The following CSMD1 variants were observed in gnomAD, a reference collection of about 807,000 sequenced individuals.
CSMD1 encodes the protein CUB and Sushi multiple domains 1, also known as CUB and sushi domain-containing protein 1.
CSMD1 carries 213 observed loss-of-function variants against 417.5 expected under a neutral mutation model. The ratio of observed to expected loss-of-function variants is 0.51; its 90% CI spans 0.46 to 0.57. The LOEUF is 0.57. Ranked by LOEUF, CSMD1 falls within the 20% of genes least tolerant of loss-of-function variation. The pLI, the probability that CSMD1 is intolerant of heterozygous loss-of-function variation, is 0.00. For synonymous variants in CSMD1, 2,862 were observed against 1,736.8 expected (o/e 1.65, Z -16.11); for missense variants, 6,923 against 4,529.7 (o/e 1.53, Z -15.17).
chr8:4,721,715 A>G (rs1809065787), intron 1 of CSMD1, among the ~76,000 whole-genome samples: 1 of 152,192 alleles, frequency 6.6e-6, no homozygotes, highest in African/African-American at 2.4e-5. Context: ...ATCTAAAACC[A>G]AAGGAAATGA....
At chr8:3,965,747 A>G (rs375682788) in intron 5 of CSMD1, among the ~76,000 whole-genome samples, 4 of 152,122 alleles carry the variant, frequency 2.6e-5, no homozygotes, top group African/African-American at 7.2e-5. Context: ...CCTCCCGAGT[A>G]GCTGGGACTA....
At chr8:3,626,233 G>A (rs1584981423) in intron 7 of CSMD1, among the ~76,000 whole-genome samples, 1 of 152,158 alleles carries the variant, frequency 6.6e-6, no homozygotes, top group Non-Finnish European at 1.5e-5. Context: ...GGCTTAGCTG[G>A]AGGACTTAGG....
At chr8:3,664,238 G>C (rs1430645658) in intron 7 of CSMD1, among the ~76,000 whole-genome samples, 1 of 152,090 alleles carries the variant, frequency 6.6e-6, no homozygotes, top group Non-Finnish European at 1.5e-5. Flanking sequence ...CTGTGTTCAA[G>C]TGTTCTCATT....
At chr8:3,777,966 C>G (rs1306727169) in intron 5 of CSMD1, among the ~76,000 whole-genome samples, 6 of 152,196 alleles carry the variant, frequency 3.9e-5, no homozygotes, top group African/African-American at 1.4e-4. Context: ...GACCTGCAGC[C>G]TCCTTGAAGT....
intron 1 of CSMD1, among the ~76,000 whole-genome samples, chr8:4,649,902 G>A (rs1803776334): frequency 6.6e-6 from 1 of 152,142 alleles, no homozygotes; most frequent in Non-Finnish European, 1.5e-5. Flanking sequence ...GTATGACTGG[G>A]GGCACCATGT....
chr8:4,300,251 G>C (rs771741781), intron 3 of CSMD1, among the ~76,000 whole-genome samples: 7 of 152,204 alleles, frequency 4.6e-5, no homozygotes, highest in African/African-American at 9.7e-5. Context: ...TGTAAACACA[G>C]AGCTTTCTGC....
At chr8:4,150,500 T>A (rs1796515065) in intron 3 of CSMD1, among the ~76,000 whole-genome samples, 1 of 152,210 alleles carries the variant, frequency 6.6e-6, no homozygotes, top group South Asian at 2.1e-4. Context: ...CAGAGATATC[T>A]TCTAGAAGGC....
At chr8:3,504,800 G>T (rs1449789362) in intron 10 of CSMD1, among the ~76,000 whole-genome samples, 1 of 152,176 alleles carries the variant, frequency 6.6e-6, no homozygotes, top group Non-Finnish European at 1.5e-5. Context: ...GTGGATGCTT[G>T]AGGAGTAAGG....
intron 26 of CSMD1, among the ~76,000 whole-genome samples, chr8:3,250,606 T>C (rs181718201): frequency 1.3e-5 from 2 of 152,368 alleles, no homozygotes; most frequent in African/African-American, 4.8e-5. Context: ...ATGGTATTTC[T>C]AGTTCTAGGT....
intron 3 of CSMD1, among the ~76,000 whole-genome samples, chr8:4,174,901 C>G (rs1797960031): frequency 6.6e-6 from 1 of 150,738 alleles, no homozygotes. Context: ...CAGCCACACT[C>G]TGACATCTTT....
chr8:3,715,838 C>A (rs1051331564), intron 6 of CSMD1, among the ~76,000 whole-genome samples: 1 of 152,176 alleles, frequency 6.6e-6, no homozygotes, highest in Non-Finnish European at 1.5e-5. Context: ...CCACAGCGCC[C>A]GGCCTGCAAA....
chr8:3,017,009 G>T lies in CSMD1; in HGVS notation c.8029+1468C>A, dbSNP rs534597400. 3.3e-5 allele frequency among the ~76,000 whole-genome samples: 5 copies of T among 152,322 alleles called. No homozygotes were observed. The East Asian group carries it at 9.6e-4, about 29-fold the overall frequency. On this transcript the variant is annotated intron_variant, in intron 52 of 69. Transcript: ENST00000635120. ...CATTTAACAGTTATGTAAACTGAAT[G>T]TATCACTTAATCTCCCAAAGCACCA...
rs776076622 is a variant in CSMD1 at position 3,610,580 on chromosome 8, A to G, written c.1097+6130T>C. The stretch of plus-strand genomic sequence containing the variant: ...GTACACATATAAATATAGGTCATGT[A>G]CATCAGATGCCCATGATCACTACAC... On this transcript the variant is annotated intron_variant, in intron 8 of 69. Coordinates refer to ENST00000635120, the MANE Select transcript of CSMD1 (RefSeq NM_033225.6). Among the ~76,000 whole-genome samples the G allele has an allele frequency of 4.6e-5, 7 of 152,226 alleles. No individual in the cohort carries two copies. In the East Asian group the frequency reaches 7.7e-4, roughly 17 times the overall value.
At chr8:4,858,175 C>T (rs1028896467) in intron 1 of CSMD1, among the ~76,000 whole-genome samples, 12 of 149,332 alleles carry the variant, frequency 8.0e-5, no homozygotes, top group African/African-American at 2.7e-4. Flanking sequence ...ACATGATTAT[C>T]TCAATAGATG....
At chr8:4,726,136 C>G (rs539821610) in intron 1 of CSMD1, among the ~76,000 whole-genome samples, 1 of 152,038 alleles carries the variant, frequency 6.6e-6, no homozygotes, top group Non-Finnish European at 1.5e-5. Flanking sequence ...GTCATCTGGG[C>G]GAGCCATTTG....
intron 3 of CSMD1, among the ~76,000 whole-genome samples, chr8:4,111,526 C>G (rs918643593): frequency 2.0e-5 from 3 of 152,116 alleles, no homozygotes; most frequent in African/African-American, 7.2e-5. Flanking sequence ...ACCCAAACGC[C>G]CATCACTGAT....
intron 2 of CSMD1, among the ~76,000 whole-genome samples, chr8:4,529,127 G>C (rs892490110): frequency 1.3e-5 from 2 of 152,266 alleles, no homozygotes; most frequent in Admixed American, 6.5e-5. Context: ...CCACCAAACA[G>C]TGATTCTCAA....
At chr8:3,059,583 A>G (rs1312200329) in intron 49 of CSMD1, among the ~76,000 whole-genome samples, 2 of 152,138 alleles carry the variant, frequency 1.3e-5, no homozygotes, top group African/African-American at 2.4e-5. Flanking sequence ...GACACCCTTC[A>G]GAGTTTGAAG....
At chr8:3,089,752 TTC>T (rs61677108) in intron 48 of CSMD1, among the ~76,000 whole-genome samples, 5 of 151,096 alleles carry the variant, frequency 3.3e-5, no homozygotes, top group South Asian at 2.1e-4. Flanking sequence ...CTGCCTCTCT[TTC>T]TCTCTCTCTC....
Sources: allele counts gnomAD v4.1 joint callset (sites outside exome capture counted in the v4.1 genomes callset), GRCh38; gene constraint gnomAD v4.1.1; transcripts MANE v1.5; gene names NCBI Gene and HGNC (gene_info 2026-07-23, HGNC 2026-07-21).